The following CAD variants were observed in gnomAD, a reference collection of about 807,000 sequenced individuals.
CAD encodes the protein multifunctional protein CAD.
A neutral mutation model predicts 237.2 loss-of-function variants in CAD; 81 were observed. That is an observed-to-expected ratio of 0.34 (90% CI 0.29 to 0.41). CAD has a LOEUF of 0.41. CAD is among the 10% of genes least tolerant of loss of function. The pLI is 1.00. For missense variants in CAD, 2,181 were observed against 2,951.7 expected, an observed-to-expected ratio of 0.74 and a Z score of 6.05; for synonymous variants, 1,196 against 1,162.8, an observed-to-expected ratio of 1.03 and a Z score of -0.58.
Position 27,231,515 on chromosome 2 carries a change from G to C in CAD, c.2335G>C (p.Ala779Pro). The part of the protein sequence containing the change: ...GRSFEEAFQK[A>P]LRMVDENCVG... The stretch of plus-strand genomic sequence containing the variant: ...TTCATTTGAGGAGGCCTTCCAGAAG[G>C]CCCTGCGCATGGTGGATGAGAACTG... Residue 779 changes from alanine to proline, a missense_variant, in exon 16 of 44, where the codon GCC (alanine) becomes CCC (proline). This residue lies in a region of CAD where 385 missense variants were observed against 535.1 expected (regional missense o/e 0.72). Transcript: ENST00000264705. 6.2e-7 allele frequency: 1 copy of C among 1,613,886 alleles called. No homozygotes were observed. The highest frequency in any genetic ancestry group is 8.5e-7 in the Non-Finnish European group (1 of 1,179,790).
Position 27,224,738 on chromosome 2 carries a change from C to A in CAD, c.1255-7C>A. 1 of 1,614,220 alleles carries A rather than the reference C, an allele frequency of 6.2e-7. No homozygotes were observed. Among genetic ancestry groups the A allele is most frequent in the South Asian group, 1.1e-5 (1 of 91,084 alleles). ...CAGAGGCTGAGATGCCATTCTTGTC[C>A]TTTTAGGCAATTAAGGCCCTGAAGG... On this transcript the variant is annotated splice_region_variant and splice_polypyrimidine_tract_variant and intron_variant, in intron 9 of 43. Transcript: ENST00000264705.
rs996715966 is a variant in CAD at position 27,225,554 on chromosome 2, C to CCCA, written c.1621-149_1621-148insACC. On this transcript the variant is annotated intron_variant, in intron 11 of 43. Coordinates refer to ENST00000264705, the MANE Select transcript of CAD (RefSeq NM_004341.5). The stretch of plus-strand genomic sequence containing the variant: ...CTCCTGACCTCAGGTGATCCACCCC[C>CCCA]CCGACCCTCGGCCTCCCAAATTGCT... 247 of 636,678 alleles carry CCCA rather than the reference C, an allele frequency of 3.9e-4. 8 individuals are homozygous for CCCA. The highest frequency in any genetic ancestry group is 5.7e-4 in the Non-Finnish European group (209 of 364,880). The allele number at this position is 636,678 out of a possible 1,614,324, so 39.4% of individuals were successfully genotyped here. A position where few individuals can be genotyped will look rare whatever the true frequency, so the allele number is the denominator to read the frequency against.
rs765527191 is a variant in CAD at position 27,238,112 on chromosome 2, C to T, written c.4785C>T (p.Thr1595=). The change falls in exon 30 of 44, where the codon ACC becomes ACT. Residue 1595 remains threonine (T), a synonymous_variant. Coordinates refer to ENST00000264705, the MANE Select transcript of CAD (RefSeq NM_004341.5). ...LPIVAHAEQQ[T]VAAVLMVAQL... Reference sequence around the variant, plus strand: ...TTGTGGCTCACGCAGAGCAGCAAACCGTGGCTGCTGTCCTCATGGTGGCTC... The same window carrying T: ...TTGTGGCTCACGCAGAGCAGCAAACTGTGGCTGCTGTCCTCATGGTGGCTC... The T allele has an allele frequency of 2.4e-5, 38 of 1,614,032 alleles. No individual in the cohort carries two copies. The East Asian group carries it at 4.2e-4, about 18-fold the overall frequency.
intron 42 of CAD, 81 bp from the exon 43 acceptor site, chr2:27,243,117 G>A: frequency 6.9e-7 from 1 of 1,439,204 alleles, no homozygotes; most frequent in East Asian, 2.3e-5. Flanking sequence ...GTGTGGAGGG[G>A]ACCCCAGTGG....
rs1484587835 is a variant in CAD, at chr2:27,241,925, C to T, written c.5898C>T (p.Ala1966=). The T allele has an allele frequency of 5.6e-6, 9 of 1,613,050 alleles. No homozygotes were observed. In the Admixed American group the frequency reaches 1.0e-4, roughly 18 times the overall value. ...SLDILKGKVM[A]SMFYEVSTRT... is the part of the protein sequence containing the mutation. ...TCTTTCCCTAGGGGAAGGTCATGGC[C>T]TCCATGTTCTATGAAGTGAGCACAC... Residue 1966 remains alanine (A), a synonymous_variant, in exon 39 of 44, where the codon GCC becomes GCT. Transcript: ENST00000264705. The surrounding 1 kb of genome is among the most constrained non-coding windows in gnomAD (Gnocchi z 4.6).
In CAD at chr2:27,234,552, G is replaced by C. The variant is rs754403266; in HGVS notation, c.3653G>C (p.Arg1218Pro). The change falls in exon 23 of 44, where the codon CGT becomes CCT. Residue 1218 changes from arginine to proline, a missense_variant. By Grantham distance (103) the Arg-to-Pro change is moderately radical. Transcript: ENST00000264705. ...DQLKVIECNV[R>P]VSRSFPFVSK... ...CTGAAAGTTATTGAATGCAACGTAC[G>C]TGTCTCTCGCTCCTTCCCCTTCGTT... The C allele has an allele frequency of 6.2e-7, 1 of 1,614,046 alleles. No individual in the cohort carries two copies. Among genetic ancestry groups the C allele is most frequent in the Non-Finnish European group, 8.5e-7 (1 of 1,179,908 alleles).
At chr2:27,218,405 G>A (rs1558524879) in intron 2 of CAD, among the ~76,000 whole-genome samples, 1 of 152,204 alleles carries the variant, frequency 6.6e-6, no homozygotes, top group Non-Finnish European at 1.5e-5. Context: ...CGGTGGGCAT[G>A]GAGGGACCTG....
rs1343059664 is a variant in CAD at position 27,240,806 on chromosome 2, G to T, written c.5594-105G>T. On this transcript the variant is annotated intron_variant, in intron 35 of 43. Transcript: ENST00000264705. The surrounding 1 kb of genome is among the most constrained non-coding windows in gnomAD (Gnocchi z 4.6). ...CTAACCTGCTATATTACTGTGTTGTGAATTGGTTTAACATATACACTGTGA... is the reference window on the plus strand; with the variant it reads ...CTAACCTGCTATATTACTGTGTTGTTAATTGGTTTAACATATACACTGTGA... 2 of 1,332,568 alleles carry T rather than the reference G, an allele frequency of 1.5e-6. No homozygotes were observed. Among genetic ancestry groups the T allele is most frequent in the Admixed American group, 1.9e-5 (1 of 53,214 alleles). 82.5% of individuals were successfully genotyped at this position (1,332,568 alleles called of 1,614,324 possible).
chr2:27,219,347 T>TG (rs1675036172), intron 2 of CAD, among the ~76,000 whole-genome samples: 1 of 140,208 alleles, frequency 7.1e-6, no homozygotes, highest in Non-Finnish European at 1.5e-5. Flanking sequence ...TTATGGTTTT[T>TG]GTTTTTTTTT....
chr2:27,218,372 A>G (rs1317770074), intron 2 of CAD, among the ~76,000 whole-genome samples: 1 of 152,220 alleles, frequency 6.6e-6, no homozygotes, highest in Non-Finnish European at 1.5e-5. Context: ...TCAGGAGAAA[A>G]AAGCCTGCAG....
At chr2:27,229,801 A>G (rs1014607328) in intron 15 of CAD, among the ~76,000 whole-genome samples, 2 of 150,240 alleles carry the variant, frequency 1.3e-5, no homozygotes, top group Non-Finnish European at 3.0e-5. Context: ...GCTTGACCTC[A>G]GGAAGCAGAG....
In CAD at chr2:27,237,142, G is replaced by A. The variant is rs559280888; in HGVS notation, c.4397-237G>A. ...AGGTTCAAGCGATTTTCCTGCCTCA[G>A]CCTCCCAAGTAGCTGGGATTACAGG... On this transcript the variant is annotated intron_variant, in intron 27 of 43. Transcript: ENST00000264705. This position sits in a 1 kb window ranked among gnomAD's most constrained non-coding sequence, Gnocchi z 4.0. Among the ~76,000 whole-genome samples, 24 of 150,882 alleles carry A rather than the reference G, an allele frequency of 1.6e-4. No homozygotes were observed. Among genetic ancestry groups the A allele is most frequent in the Non-Finnish European group, 3.1e-4 (21 of 67,904 alleles).
Position 27,232,842 on chromosome 2 carries a change from C to G in CAD, c.2892+148C>G, listed in dbSNP as rs997123858. ...GTGGGGGTCCTTTTAGGCCATCTCTCATGCCCCACACGGTATATGAATCTC... is the reference window on the plus strand; with the variant it reads ...GTGGGGGTCCTTTTAGGCCATCTCTGATGCCCCACACGGTATATGAATCTC... On this transcript the variant is annotated intron_variant, in intron 18 of 43. Transcript: ENST00000264705. This position sits in a 1 kb window ranked among gnomAD's most constrained non-coding sequence, Gnocchi z 4.1. The G allele has an allele frequency of 9.1e-6, 9 of 984,860 alleles. No individual in the cohort carries two copies. Among genetic ancestry groups the G allele is most frequent in the South Asian group, 6.0e-5 (4 of 66,990 alleles). The allele number at this position is 984,860 out of a possible 1,614,324, so 61.0% of individuals were successfully genotyped here.
intron 16 of CAD, among the ~76,000 whole-genome samples, 158 bp from the exon 17 acceptor site, chr2:27,231,822 A>G (rs1572438444): frequency 6.6e-6 from 1 of 152,240 alleles, no homozygotes. Context: ...CACATAGCCA[A>G]TGAGAGGTAG....
intron 9 of CAD, 37 bp downstream of exon 9, chr2:27,224,527 A>G: frequency 6.2e-7 from 1 of 1,604,580 alleles, no homozygotes; most frequent in Non-Finnish European, 8.5e-7. Flanking sequence ...TGGGCGTGTG[A>G]CCCTCAAGAA....
rs755335811 is a variant in CAD, at chr2:27,233,324, A to G, written c.3004A>G (p.Ile1002Val). Residue 1002 changes from isoleucine (I) to valine (V), a missense_variant, in exon 20 of 44, where the codon ATC (isoleucine) becomes GTC (valine). Coordinates refer to ENST00000264705, the MANE Select transcript of CAD (RefSeq NM_004341.5). This position sits in a 1 kb window ranked among gnomAD's most constrained non-coding sequence, Gnocchi z 6.3. ...DEISFEVVMD[I>V]YELENPEGVI... ...CCCTGCAACGTAGGTGGTGATGGAC[A>G]TCTATGAGCTCGAGAACCCTGAAGG... The G allele has an allele frequency of 2.5e-6, 4 of 1,614,084 alleles. No homozygotes were observed. The highest frequency in any genetic ancestry group is 3.3e-5 in the Admixed American group (2 of 60,028).
intron 2 of CAD, 119 bp from the exon 3 acceptor site, chr2:27,221,099 T>C: frequency 1.4e-6 from 1 of 721,870 alleles, no homozygotes; most frequent in Non-Finnish European, 2.1e-6. Context: ...CACCAAAAGT[T>C]TGGTATATTG....
chr2:27,234,514 C>T lies in CAD; in HGVS notation c.3619-4C>T, dbSNP rs765047544. On this transcript the variant is annotated splice_region_variant and splice_polypyrimidine_tract_variant and intron_variant, in intron 22 of 43. Coordinates refer to ENST00000264705, the MANE Select transcript of CAD (RefSeq NM_004341.5). The stretch of plus-strand genomic sequence containing the variant: ...GAAGGCCTGACCAGTCTTCTCTGCC[C>T]CAGGATGACCAGCTGAAAGTTATTG... The T allele has an allele frequency of 1.2e-6, 2 of 1,613,404 alleles. No individual in the cohort carries two copies. Among genetic ancestry groups the T allele is most frequent in the South Asian group, 2.2e-5 (2 of 90,990 alleles).
rs757168290 is a variant in CAD, at chr2:27,232,664, T to C, written c.2862T>C (p.Cys954=). 1 of 1,614,246 alleles carries C rather than the reference T, an allele frequency of 6.2e-7. No individual in the cohort carries two copies. Among genetic ancestry groups the C allele is most frequent in the Non-Finnish European group, 8.5e-7 (1 of 1,180,032 alleles). ...GCTCTAGCGTTGAATTTGACTGGTG[T>C]GCTGTAGGCTGCATCCAGCAGCTCC... is the stretch of plus-strand genomic sequence containing the variant. ...RIGSSVEFDW[C]AVGCIQQLRK... is the part of the protein sequence containing the mutation. Residue 954 remains cysteine (C), a synonymous_variant, in exon 18 of 44, where the codon TGT becomes TGC. Coordinates refer to ENST00000264705, the MANE Select transcript of CAD (RefSeq NM_004341.5). The surrounding 1 kb of genome is among the most constrained non-coding windows in gnomAD (Gnocchi z 4.1).
Sources: allele counts gnomAD v4.1 joint callset (sites outside exome capture counted in the v4.1 genomes callset), GRCh38; gene constraint gnomAD v4.1.1; regional missense constraint gnomAD v4.1.1; non-coding constraint Gnocchi (gnomAD v3.1); transcripts MANE v1.5; gene names NCBI Gene and HGNC (gene_info 2026-07-23, HGNC 2026-07-21).